Variants in SGIP1 observed in about 807,000 individuals in gnomAD.
SGIP1 encodes the protein SH3-containing GRB2-like protein 3-interacting protein 1.
SGIP1 carries 38 observed loss-of-function variants against 107.5 expected under a neutral mutation model. The observed-to-expected ratio is 0.35, with a 90% CI of 0.27 to 0.46. The LOEUF (loss-of-function observed/expected upper bound fraction) is 0.46, where lower values mean the gene tolerates loss of function less well. Among genes scored for constraint, SGIP1 ranks in the 20% least tolerant of loss-of-function variants. SGIP1 has a pLI of 1.00. For missense variants in SGIP1, 929 were observed against 1,019.5 expected, an observed-to-expected ratio of 0.91 and a Z score of 1.21; for synonymous variants, 365 against 366.1, an observed-to-expected ratio of 1.00 and a Z score of 0.03.
intron 8 of SGIP1, among the ~76,000 whole-genome samples, chr1:66,661,270 T>C (rs1448348296): frequency 2.6e-5 from 4 of 152,220 alleles, no homozygotes. Context: ...GTGACCTCTC[T>C]GCTGGAAAAT....
At chr1:66,650,304 AACATTCACAATGGC>A (rs1198923285) in intron 7 of SGIP1, among the ~76,000 whole-genome samples, 1 of 152,180 alleles carries the variant, frequency 6.6e-6, no homozygotes, top group Non-Finnish European at 1.5e-5. Flanking sequence ...ATTGAAGGCT[AACATTCACAATGGC>A]ACACTTCATT....
intron 14 of SGIP1, 44 bp from the exon 15 acceptor site, chr1:66,681,825 A>G: frequency 1.3e-6 from 2 of 1,560,188 alleles, no homozygotes; most frequent in South Asian, 2.5e-5. Context: ...CCCCACACAA[A>G]TAATAAGTCA....
intron 8 of SGIP1, among the ~76,000 whole-genome samples, chr1:66,660,937 C>G (rs1026701821): frequency 2.0e-5 from 3 of 152,170 alleles, no homozygotes; most frequent in African/African-American, 7.2e-5. Context: ...GCCTATGAAG[C>G]TGGCCCGGGA....
intron 1 of SGIP1, among the ~76,000 whole-genome samples, chr1:66,535,620 AG>A (rs1389946796): frequency 6.6e-6 from 1 of 152,212 alleles, no homozygotes; most frequent in African/African-American, 2.4e-5. Context: ...TTTAGAAGAT[AG>A]CCTTAAAAGA....
intron 1 of SGIP1, among the ~76,000 whole-genome samples, chr1:66,572,951 G>C (rs11799970): frequency 1.3e-5 from 2 of 151,954 alleles, no homozygotes; most frequent in Non-Finnish European, 2.9e-5. Context: ...TGAAAGGACC[G>C]AGTCAGAAAA....
chr1:66,739,661 G>A, intron 22 of SGIP1, 124 bp downstream of exon 22: 1 of 928,218 alleles, frequency 1.1e-6, no homozygotes, highest in South Asian at 1.7e-5. Context: ...GTTCAGGGCA[G>A]GAAATAGAAA....
intron 2 of SGIP1, among the ~76,000 whole-genome samples, chr1:66,628,076 C>T (rs1387284621): frequency 6.6e-6 from 1 of 152,078 alleles, no homozygotes; most frequent in African/African-American, 2.4e-5. Flanking sequence ...AGGACATGAA[C>T]TCATTATTTT....
intron 1 of SGIP1, among the ~76,000 whole-genome samples, chr1:66,596,072 G>A (rs1040297974): frequency 1.3e-5 from 2 of 152,158 alleles, no homozygotes; most frequent in African/African-American, 4.8e-5. Context: ...GTGCACAAGT[G>A]CACATAAAAC....
chr1:66,564,257 TG>T (rs1383175183), intron 1 of SGIP1, among the ~76,000 whole-genome samples: 2 of 151,838 alleles, frequency 1.3e-5, no homozygotes, highest in East Asian at 3.9e-4. Flanking sequence ...GGCTAAGGAG[TG>T]GCATACCTGG....
chr1:66,640,778 T>TAAA (rs58535961), intron 5 of SGIP1, among the ~76,000 whole-genome samples: 3 of 141,328 alleles, frequency 2.1e-5, no homozygotes, highest in African/African-American at 2.6e-5. Flanking sequence ...ACACTTGTAT[T>TAAA]AAAAAAAAAA....
At chr1:66,740,480 G>GA (rs1161149260) in intron 22 of SGIP1, among the ~76,000 whole-genome samples, 178 bp from the exon 23 acceptor site, 2 of 151,900 alleles carry the variant, frequency 1.3e-5, no homozygotes, top group Admixed American at 6.6e-5. Flanking sequence ...AAGGACAGAG[G>GA]AAAAAAGAGA....
chr1:66,653,705 A>C (rs2079165290), intron 7 of SGIP1, among the ~76,000 whole-genome samples: 1 of 152,204 alleles, frequency 6.6e-6, no homozygotes, highest in African/African-American at 2.4e-5. Flanking sequence ...ATTGTATAAA[A>C]TGTTAGGATG....
At chr1:66,576,900 T>C (rs991611853) in intron 1 of SGIP1, among the ~76,000 whole-genome samples, 5 of 152,142 alleles carry the variant, frequency 3.3e-5, no homozygotes, top group Non-Finnish European at 7.4e-5. Flanking sequence ...TCCCACCTTC[T>C]CCCCAAGCAG....
chr1:66,705,762 T>G (rs2092446350), intron 18 of SGIP1, among the ~76,000 whole-genome samples: 1 of 151,962 alleles, frequency 6.6e-6, no homozygotes, highest in Admixed American at 6.6e-5. Context: ...AGAAAAGAAA[T>G]AAACCATTCA....
intron 8 of SGIP1, among the ~76,000 whole-genome samples, chr1:66,665,497 T>A (rs1045757807): frequency 5.9e-5 from 9 of 152,236 alleles, no homozygotes; most frequent in African/African-American, 2.2e-4. Flanking sequence ...AGTAATGGGA[T>A]CACTGGGTCA....
rs2094538947 is a variant in SGIP1 at position 66,745,400 on chromosome 1, GAAAAGAGATCAAATAATAACAC to G, written c.*2308_*2329del. 1 of 151,950 alleles carries G rather than the reference GAAAAGAGATCAAATAATAACAC, an allele frequency of 6.6e-6. No homozygotes were observed. Among genetic ancestry groups the G allele is most frequent in the Admixed American group, 6.5e-5 (1 of 15,270 alleles). 9.4% of individuals were successfully genotyped at this position (151,950 alleles called of 1,614,324 possible). ...AGAAAATGTATCCCTTCACCTTTCA[GAAAAGAGATCAAATAATAACAC>G]AATAAGCTGGTATCAGGGATTTGCA... On this transcript the variant is annotated 3_prime_UTR_variant, in exon 25 of 25. Transcript: ENST00000371037.
intron 12 of SGIP1, among the ~76,000 whole-genome samples, chr1:66,675,563 A>C (rs2085099262): frequency 3.5e-5 from 1 of 28,838 alleles, no homozygotes; most frequent in Non-Finnish European, 5.4e-5. Flanking sequence ...TTTTTTTGAC[A>C]GAATCTCACT....
chr1:66,702,711 A>G (rs1191739159), intron 18 of SGIP1, among the ~76,000 whole-genome samples: 1 of 152,204 alleles, frequency 6.6e-6, no homozygotes, highest in Admixed American at 6.5e-5. Context: ...AGACTCACTG[A>G]TAATGTAGTT....
At chr1:66,552,063 G>A (rs1055706750) in intron 1 of SGIP1, among the ~76,000 whole-genome samples, 1 of 152,076 alleles carries the variant, frequency 6.6e-6, no homozygotes, top group African/African-American at 2.4e-5. Flanking sequence ...CCCATGCACG[G>A]CTAGGGAGTA....
Sources: allele counts gnomAD v4.1 joint callset (sites outside exome capture counted in the v4.1 genomes callset), GRCh38; gene constraint gnomAD v4.1.1; transcripts MANE v1.5; gene names NCBI Gene and HGNC (gene_info 2026-07-23, HGNC 2026-07-21).